The following PHACTR2 variants were observed in gnomAD, a reference collection of about 807,000 sequenced individuals.
PHACTR2 encodes phosphatase and actin regulator 2, also known as chromosome 6 open reading frame 56.
Under a neutral mutation model 76.0 loss-of-function variants are expected in PHACTR2, and 30 were observed. That is an observed-to-expected ratio of 0.39 (90% CI 0.30 to 0.54). PHACTR2 has a LOEUF of 0.54. Ranked by LOEUF, PHACTR2 falls within the 20% of genes least tolerant of loss-of-function variation. The pLI, the probability that PHACTR2 is intolerant of heterozygous loss-of-function variation, is 0.61. For synonymous variants in PHACTR2, 292 were observed against 292.5 expected (o/e 1.00, Z 0.02); for missense variants, 696 against 781.1 (o/e 0.89, Z 1.30).
At chr6:143,622,818 A>T (rs532411361) in intron 1 of PHACTR2, among the ~76,000 whole-genome samples, 1 of 152,332 alleles carries the variant, frequency 6.6e-6, no homozygotes, top group Admixed American at 6.5e-5. Context: ...AAGATAGAAC[A>T]TGTAATAATT....
chr6:143,762,525 T>C (rs1327088833), intron 5 of PHACTR2, among the ~76,000 whole-genome samples: 1 of 152,210 alleles, frequency 6.6e-6, no homozygotes, highest in Non-Finnish European at 1.5e-5. Flanking sequence ...CATGTAAGAA[T>C]CGTTTTATCA....
rs941659384 is a variant in PHACTR2 at position 143,648,779 on chromosome 6, C to G, written c.13+40457C>G. On this transcript the variant is annotated intron_variant, in intron 1 of 11. Transcript: ENST00000305766. The surrounding 1 kb of genome is among the most constrained non-coding windows in gnomAD (Gnocchi z 6.7). ...GTGTGTGTCTCTGTGTGTGTGTGGG[C>G]ATGTGTCTCTGTGTGTGTCTGTGTA... Among the ~76,000 whole-genome samples, 4 of 151,330 alleles carry G rather than the reference C, an allele frequency of 2.6e-5. No homozygotes were observed. The highest frequency in any genetic ancestry group is 2.6e-4 in the Admixed American group (4 of 15,176).
At chr6:143,746,031 C>T (rs1262715968) in intron 2 of PHACTR2, among the ~76,000 whole-genome samples, 4 of 152,284 alleles carry the variant, frequency 2.6e-5, no homozygotes, top group East Asian at 3.9e-4. Flanking sequence ...CCTCCGGGAT[C>T]CATAATGGAA....
At chr6:143,572,288 C>T (rs1356723844) in intron 1 of PHACTR2, among the ~76,000 whole-genome samples, 1 of 152,184 alleles carries the variant, frequency 6.6e-6, no homozygotes, top group Non-Finnish European at 1.5e-5. Flanking sequence ...TTTTTGATAA[C>T]AGCATCTCTG....
At chr6:143,790,492 A>G (rs894657836) in intron 11 of PHACTR2, among the ~76,000 whole-genome samples, 2 of 152,062 alleles carry the variant, frequency 1.3e-5, no homozygotes, top group Non-Finnish European at 2.9e-5. Context: ...TTGTGCTTTT[A>G]CTTTGCCTTT....
intron 1 of PHACTR2, among the ~76,000 whole-genome samples, chr6:143,586,809 ACTG>A (rs1445466598): frequency 1.3e-5 from 2 of 151,974 alleles, no homozygotes; most frequent in East Asian, 3.9e-4. Context: ...CTAATTGAAA[ACTG>A]CTTCTGCCCT....
intron 1 of PHACTR2, among the ~76,000 whole-genome samples, chr6:143,635,882 A>G (rs997406148): frequency 1.3e-5 from 2 of 152,144 alleles, no homozygotes; most frequent in African/African-American, 4.8e-5. Flanking sequence ...TTTGTATCCC[A>G]TTTAGAAAAG....
At position 143,678,066 on chromosome 6, in the gene PHACTR2, C is replaced by G; in HGVS notation, c.-98C>G. 6.5e-7 allele frequency: 1 copy of G among 1,538,622 alleles called. No homozygotes were observed. The highest frequency in any genetic ancestry group is 8.8e-7 in the Non-Finnish European group (1 of 1,141,482). On this transcript the variant is annotated 5_prime_UTR_variant, in exon 1 of 13. Transcript: ENST00000440869. The surrounding 1 kb of genome is among the most constrained non-coding windows in gnomAD (Gnocchi z 6.2). Reference sequence around the variant, plus strand: ...ACCCGGCGGGCCGCTCGGCACAGGCCGGGACATGAACGCCTGGAAGTCTGG... The same window carrying G: ...ACCCGGCGGGCCGCTCGGCACAGGCGGGGACATGAACGCCTGGAAGTCTGG...
intron 1 of PHACTR2, among the ~76,000 whole-genome samples, chr6:143,694,122 G>C (rs1777715770): frequency 7.3e-6 from 1 of 136,386 alleles, no homozygotes; most frequent in South Asian, 2.8e-4. Flanking sequence ...AAGAAGGAAG[G>C]AAAGAAGGAA....
At chr6:143,718,009 C>T (rs948137358) in intron 2 of PHACTR2, among the ~76,000 whole-genome samples, 2 of 152,130 alleles carry the variant, frequency 1.3e-5, no homozygotes, top group Non-Finnish European at 2.9e-5. Context: ...AAATATTTTC[C>T]TATCTTTTGT....
At position 143,618,040 on chromosome 6, in the gene PHACTR2, G is replaced by T. The variant is rs1326023465; in HGVS notation, c.13+9718G>T. Among the ~76,000 whole-genome samples, 1 of 152,124 alleles carries T rather than the reference G, an allele frequency of 6.6e-6. No homozygotes were observed. The highest frequency in any genetic ancestry group is 1.5e-5 in the Non-Finnish European group (1 of 68,014). On this transcript the variant is annotated intron_variant, in intron 1 of 11. Transcript: ENST00000305766. This position sits in a 1 kb window ranked among gnomAD's most constrained non-coding sequence, Gnocchi z 5.2. ...TAAAAAGAGATGTTAAACATCTCTTGTCAAATTCTGTATAATAGAAGAGGT... is the reference window on the plus strand; with the variant it reads ...TAAAAAGAGATGTTAAACATCTCTTTTCAAATTCTGTATAATAGAAGAGGT...
chr6:143,588,347 G>A (rs913787537), intron 1 of PHACTR2, among the ~76,000 whole-genome samples: 2 of 152,188 alleles, frequency 1.3e-5, no homozygotes, highest in African/African-American at 4.8e-5. Flanking sequence ...AAATTTTTGA[G>A]AACATTTCAT....
chr6:143,715,350 G>T (rs1778278779), intron 2 of PHACTR2, among the ~76,000 whole-genome samples: 1 of 152,090 alleles, frequency 6.6e-6, no homozygotes, highest in South Asian at 2.1e-4. Context: ...CCAGCAGGAA[G>T]GTTGCTATGT....
chr6:143,779,204 T>C (rs895282666), intron 9 of PHACTR2, among the ~76,000 whole-genome samples: 1 of 152,190 alleles, frequency 6.6e-6, no homozygotes, highest in Admixed American at 6.5e-5. Flanking sequence ...AACACTCTAC[T>C]CAGCCCGTTT....
In PHACTR2 at chr6:143,761,626, C is replaced by T. The variant is rs1021479842; in HGVS notation, c.694+986C>T. Reference sequence around the variant, plus strand: ...AGAATTAGCCAGGCGTCGTGGCGTGCACCTCTAATCCCAGCTACTCAGGAG... The same window carrying T: ...AGAATTAGCCAGGCGTCGTGGCGTGTACCTCTAATCCCAGCTACTCAGGAG... On this transcript the variant is annotated intron_variant, in intron 5 of 12. Transcript: ENST00000440869. This position sits in a 1 kb window ranked among gnomAD's most constrained non-coding sequence, Gnocchi z 5.2. Among the ~76,000 whole-genome samples the T allele has an allele frequency of 6.6e-6, 1 of 152,014 alleles. No homozygotes were observed. The highest frequency in any genetic ancestry group is 2.4e-5 in the African/African-American group (1 of 41,404).
Position 143,760,873 on chromosome 6 carries a change from A to T in PHACTR2, c.694+233A>T, listed in dbSNP as rs1779425822. Among the ~76,000 whole-genome samples the T allele has an allele frequency of 1.3e-5, 2 of 152,170 alleles. No homozygotes were observed. The highest frequency in any genetic ancestry group is 4.1e-4 in the South Asian group (2 of 4,836). On this transcript the variant is annotated intron_variant, in intron 5 of 12. Transcript: ENST00000440869. This position sits in a 1 kb window ranked among gnomAD's most constrained non-coding sequence, Gnocchi z 6.4. ...GTTTTTGAGTGAATATACTGGTTTCATCTTGAGTATCCACTATCAGCACCA... is the reference window on the plus strand; with the variant it reads ...GTTTTTGAGTGAATATACTGGTTTCTTCTTGAGTATCCACTATCAGCACCA...
In PHACTR2 at chr6:143,779,905, T is replaced by TTA. The variant is rs1491566913; in HGVS notation, c.1645+2526_1645+2527dup. Among the ~76,000 whole-genome samples, 15 of 49,720 alleles carry TTA rather than the reference T, an allele frequency of 3.0e-4. 1 individual carries two copies. Among genetic ancestry groups the TTA allele is most frequent in the African/African-American group, 9.3e-4 (15 of 16,206 alleles). 32.6% of individuals were successfully genotyped at this position (49,720 alleles called of 152,430 possible). A position where few individuals can be genotyped will look rare whatever the true frequency, so the allele number is the denominator to read the frequency against. ...GACATATTACATATACGTATTTATATTATATTATATTATATTATATTATAT... is the reference window on the plus strand; with the variant it reads ...GACATATTACATATACGTATTTATATTATATATTATATTATATTATATTATAT... On this transcript the variant is annotated intron_variant, in intron 9 of 12. Transcript: ENST00000440869.
chr6:143,782,547 A>G lies in PHACTR2; in HGVS notation c.1646-672A>G, dbSNP rs1285846695. On this transcript the variant is annotated intron_variant, in intron 9 of 12. Transcript: ENST00000440869. This position sits in a 1 kb window ranked among gnomAD's most constrained non-coding sequence, Gnocchi z 4.6. ...CATCTGTTGGGCAGCATAAAATCGT[A>G]CTACTTGGTGAATCACTAGAGAACG... Among the ~76,000 whole-genome samples, 1 of 152,238 alleles carries G rather than the reference A, an allele frequency of 6.6e-6. No homozygotes were observed. Among genetic ancestry groups the G allele is most frequent in the African/African-American group, 2.4e-5 (1 of 41,460 alleles).
Position 143,583,087 on chromosome 6 carries a change from G to C in PHACTR2, c.217+45880G>C, listed in dbSNP as rs903497272. Among the ~76,000 whole-genome samples the C allele has an allele frequency of 3.3e-5, 5 of 152,168 alleles. No individual in the cohort carries two copies. Among genetic ancestry groups the C allele is most frequent in the Non-Finnish European group, 7.4e-5 (5 of 68,022 alleles). The stretch of plus-strand genomic sequence containing the variant: ...ATATGAAGACTTCTCAGAGAATTTA[G>C]AATTTAGTTAAATTTCTATTCTTGT... On this transcript the variant is annotated intron_variant, in intron 1 of 11. Transcript: ENST00000367584. The surrounding 1 kb of genome is among the most constrained non-coding windows in gnomAD (Gnocchi z 4.0).
Sources: gnomAD v4.1 joint callset for allele counts (sites outside exome capture counted in the v4.1 genomes callset) on GRCh38, gnomAD v4.1.1 for gene constraint, Gnocchi (gnomAD v3.1) non-coding constraint, MANE v1.5 for transcripts, NCBI Gene and HGNC (gene_info 2026-07-23, HGNC 2026-07-21) for gene names.